Variants in ALKBH1 observed in about 807,000 individuals in gnomAD.
ALKBH1 encodes the protein alkB homolog 1, histone H2A dioxygenase, also known as nucleic acid dioxygenase ALKBH1.
In ALKBH1, 31 loss-of-function variants were observed where a neutral mutation model predicts 36.6. The ratio of observed to expected loss-of-function variants is 0.85; its 90% CI spans 0.64 to 1.14. The LOEUF is 1.14. Ranked by LOEUF, ALKBH1 falls within the 50% of genes most tolerant of loss-of-function variation. The pLI is 0.00. For synonymous variants in ALKBH1, 183 were observed against 186.6 expected (o/e 0.98, Z 0.16); for missense variants, 490 against 497.3 (o/e 0.99, Z 0.14).
intron 3 of ALKBH1, among the ~76,000 whole-genome samples, chr14:77,693,848 G>T (rs1369220833): frequency 6.6e-6 from 1 of 152,050 alleles, no homozygotes; most frequent in Non-Finnish European, 1.5e-5. Context: ...TTGGTGGGGC[G>T]TGGTGGTGGA....
intron 3 of ALKBH1, among the ~76,000 whole-genome samples, chr14:77,688,714 G>T (rs1280145262): frequency 1.3e-5 from 2 of 151,934 alleles, no homozygotes; most frequent in Non-Finnish European, 2.9e-5. Context: ...TGGGATTACA[G>T]GCGCCTGCCA....
At chr14:77,683,498 T>C (rs776742930) in intron 3 of ALKBH1, 144 of 693,448 alleles carry the variant, frequency 2.1e-4, no homozygotes, top group Non-Finnish European at 3.3e-4. Flanking sequence ...ACTCTTCCAG[T>C]TTTGCCATGG....
At position 77,674,095 on chromosome 14, in the gene ALKBH1, G is replaced by A. The variant is rs1378083978; in HGVS notation, c.887C>T (p.Pro296Leu). The A allele has an allele frequency of 1.2e-6, 2 of 1,614,116 alleles. No individual in the cohort carries two copies. The highest frequency in any genetic ancestry group is 3.3e-5 in the Admixed American group (2 of 60,000). ...NHAVPRVLPN[P>L]EGEGLPHCLE... ...GCAGTGAGGCAGGCCTTCCCCTTCT[G>A]GATTTGGAAGGACACGAGGGACTGC... Residue 296 changes from proline (P) to leucine (L), a missense_variant, in exon 6 of 6, where the codon CCA (proline) becomes CTA (leucine). Coordinates refer to ENST00000216489, the MANE Select transcript of ALKBH1 (RefSeq NM_006020.3).
At chr14:77,705,770 A>C (rs1418972120) in intron 1 of ALKBH1, among the ~76,000 whole-genome samples, 1 of 152,104 alleles carries the variant, frequency 6.6e-6, no homozygotes, top group East Asian at 1.9e-4. Context: ...AAAATATATG[A>C]AACAGGCCGA....
intron 2 of ALKBH1, among the ~76,000 whole-genome samples, chr14:77,699,327 T>C (rs1055500294): frequency 6.6e-6 from 1 of 152,260 alleles, no homozygotes; most frequent in Non-Finnish European, 1.5e-5. Flanking sequence ...TGTTATTACT[T>C]AACTACTTTT....
chr14:77,688,863 C>A (rs1466822161), intron 3 of ALKBH1, among the ~76,000 whole-genome samples: 1 of 152,160 alleles, frequency 6.6e-6, no homozygotes, highest in Admixed American at 6.5e-5. Context: ...TGAGCCACCG[C>A]GCCTGGCCTG....
At chr14:77,682,859 G>C (rs1595050080) in intron 3 of ALKBH1, among the ~76,000 whole-genome samples, 1 of 152,008 alleles carries the variant, frequency 6.6e-6, no homozygotes, top group East Asian at 1.9e-4. Context: ...ACCACGCCTG[G>C]CTAATTTTTG....
rs759828758 is a variant in ALKBH1 at position 77,707,870 on chromosome 14, GT to G, written c.134del (p.Asp45AlafsTer18). ...PGTADLEGVI[D>X]FSAAHAARGK... ...CACGGGCTGCGTGGGCCGCCGAGAA[GT>G]CGATGACCCCTTCCAGGTCTGCGGT... On this transcript the variant is annotated frameshift_variant, in exon 1 of 6. Coordinates refer to ENST00000216489, the MANE Select transcript of ALKBH1 (RefSeq NM_006020.3). LOFTEE classifies it high-confidence loss of function. The G allele has an allele frequency of 8.7e-5, 140 of 1,613,168 alleles. No homozygotes were observed. The highest frequency in any genetic ancestry group is 1.1e-4 in the Non-Finnish European group (135 of 1,179,702).
intron 1 of ALKBH1, among the ~76,000 whole-genome samples, chr14:77,706,102 C>T (rs1555385171): frequency 1.8e-5 from 2 of 113,442 alleles, no homozygotes; most frequent in South Asian, 2.5e-4. Flanking sequence ...TATATACACA[C>T]ACACATATAT....
intron 3 of ALKBH1, among the ~76,000 whole-genome samples, chr14:77,681,891 G>T (rs923995327): frequency 1.3e-5 from 2 of 152,206 alleles, no homozygotes; most frequent in African/African-American, 2.4e-5. Context: ...GCCATATCCG[G>T]TGTGACTTCC....
At chr14:77,692,916 A>AAT (rs1555384383) in intron 3 of ALKBH1, among the ~76,000 whole-genome samples, 49,178 of 150,696 alleles carry the variant, frequency 0.33, 8,039 homozygotes, top group African/African-American at 0.36. Flanking sequence ...AAAAAAAAAA[A>AAT]TTTTTTTGGG....
At chr14:77,680,980 A>C (rs1218444839) in intron 3 of ALKBH1, among the ~76,000 whole-genome samples, 1 of 151,808 alleles carries the variant, frequency 6.6e-6, no homozygotes, top group South Asian at 2.1e-4. Context: ...CTGGCCCACT[A>C]CTCTTTTTCT....
At position 77,673,685 on chromosome 14, in the gene ALKBH1, T is replaced by A; in HGVS notation, c.*127A>T. ...CGTGGGTTCCAAGGCAACAGTGTGATCAACAATGAGTTCTTCCCTGTCTCT... is the reference window on the plus strand; with the variant it reads ...CGTGGGTTCCAAGGCAACAGTGTGAACAACAATGAGTTCTTCCCTGTCTCT... On this transcript the variant is annotated 3_prime_UTR_variant, in exon 6 of 6. Coordinates refer to ENST00000216489, the MANE Select transcript of ALKBH1 (RefSeq NM_006020.3). The A allele has an allele frequency of 1.0e-6, 1 of 995,930 alleles. No individual in the cohort carries two copies. The highest frequency in any genetic ancestry group is 1.5e-6 in the Non-Finnish European group (1 of 672,106). The allele number at this position is 995,930 out of a possible 1,614,324, so 61.7% of individuals were successfully genotyped here.
At position 77,682,669 on chromosome 14, in the gene ALKBH1, C is replaced by T. The variant is rs1228295185; in HGVS notation, c.456-2699G>A. 3.9e-5 allele frequency among the ~76,000 whole-genome samples: 6 copies of T among 152,066 alleles called. No individual in the cohort carries two copies. The South Asian group carries it at 8.3e-4, about 21-fold the overall frequency. ...TCTAGAACTCAAAATAGATGGCACC[C>T]TGAGTATCTAAATGGCAAAGAGTCT... On this transcript the variant is annotated intron_variant, in intron 3 of 5. Transcript: ENST00000216489.
chr14:77,700,527 GTTTCA>G (rs2080353635), intron 2 of ALKBH1, among the ~76,000 whole-genome samples: 1 of 152,088 alleles, frequency 6.6e-6, no homozygotes. Context: ...TGGATTTTAT[GTTTCA>G]TTTATCAGTA....
intron 3 of ALKBH1, among the ~76,000 whole-genome samples, chr14:77,685,177 T>C (rs1218205658): frequency 2.0e-5 from 3 of 152,204 alleles, no homozygotes; most frequent in African/African-American, 7.2e-5. Context: ...GAGCGGTGGC[T>C]CACGCCTGCA....
intron 3 of ALKBH1, chr14:77,683,082 C>T (rs2080247101): frequency 6.4e-6 from 3 of 470,832 alleles, no homozygotes; most frequent in South Asian, 2.8e-5. Context: ...GAACTCCTTA[C>T]CTCAAGCAAT....
intron 3 of ALKBH1, among the ~76,000 whole-genome samples, chr14:77,693,924 T>C (rs916390589): frequency 6.6e-6 from 1 of 152,096 alleles, no homozygotes; most frequent in Non-Finnish European, 1.5e-5. Flanking sequence ...GAGGCAGAGG[T>C]TGCAGTGAGC....
intron 2 of ALKBH1, chr14:77,696,951 C>T (rs1232429349): frequency 6.5e-6 from 1 of 153,848 alleles, no homozygotes; most frequent in Non-Finnish European, 1.5e-5. Context: ...GGCATGACCC[C>T]TGGGTTCCAG....
Sources: allele counts gnomAD v4.1 joint callset (sites outside exome capture counted in the v4.1 genomes callset), GRCh38; gene constraint gnomAD v4.1.1; transcripts MANE v1.5; gene names NCBI Gene and HGNC (gene_info 2026-07-23, HGNC 2026-07-21).